Variants in UBR1 observed in about 807,000 individuals in gnomAD.
The protein encoded by UBR1 is E3 ubiquitin-protein ligase UBR1.
UBR1 carries 102 observed loss-of-function variants against 242.1 expected under a neutral mutation model. That is an observed-to-expected ratio of 0.42 (90% CI 0.36 to 0.50). UBR1 has a LOEUF of 0.50. UBR1 is among the 20% of genes least tolerant of loss of function. The probability of loss-of-function intolerance (pLI) is 0.01; values close to 1 mark genes in which losing one functional copy is unlikely to be tolerated. For missense variants in UBR1, 1,772 were observed against 2,101.8 expected (o/e 0.84, Z 3.07); for synonymous variants, 675 against 684.8 (o/e 0.99, Z 0.22).
intron 44 of UBR1, among the ~76,000 whole-genome samples, chr15:42,953,285 G>C (rs1194794005): frequency 1.3e-5 from 2 of 152,170 alleles, no homozygotes; most frequent in Admixed American, 6.5e-5. Flanking sequence ...CATCTATGCT[G>C]TACACTGAAC....
intron 43 of UBR1, among the ~76,000 whole-genome samples, chr15:42,959,758 T>C (rs937761535): frequency 6.6e-6 from 1 of 152,236 alleles, no homozygotes; most frequent in Non-Finnish European, 1.5e-5. Context: ...GCACAGAGGC[T>C]GGATCTATTA....
chr15:42,963,474 G>C (rs2032054502), intron 42 of UBR1, among the ~76,000 whole-genome samples: 1 of 152,128 alleles, frequency 6.6e-6, no homozygotes, highest in Non-Finnish European at 1.5e-5. Context: ...TTTTCTGAAA[G>C]AAGGACACAT....
At chr15:43,037,662 G>C in intron 17 of UBR1, 111 bp downstream of exon 17, 1 of 878,548 alleles carries the variant, frequency 1.1e-6, no homozygotes, top group Non-Finnish European at 1.9e-6. Context: ...TTATACAAGA[G>C]AATAGTAACA....
At chr15:43,034,678 A>C (rs2033307546) in intron 19 of UBR1, among the ~76,000 whole-genome samples, 1 of 151,776 alleles carries the variant, frequency 6.6e-6, no homozygotes, top group Admixed American at 6.6e-5. Flanking sequence ...CCGAGGTCAG[A>C]AGTTCGAGAC....
rs1271379020 is a variant in UBR1, at chr15:43,070,899, C to T, written c.555G>A (p.Glu185=). The change falls in exon 5 of 47, where the codon GAG becomes GAA. Residue 185 remains glutamate, a synonymous_variant. Coordinates refer to ENST00000290650, the MANE Select transcript of UBR1 (RefSeq NM_174916.3). ...KENSRCPLNE[E]VIVQARKIFP... is the part of the protein sequence containing the mutation. The stretch of plus-strand genomic sequence containing the variant: ...ATATTTTCCTGGCTTGGACAATTAC[C>T]TCTTCATTCAACGGACAGCGTGAAT... 4 of 1,613,440 alleles carry T rather than the reference C, an allele frequency of 2.5e-6. No homozygotes were observed. The highest frequency in any genetic ancestry group is 1.3e-5 in the African/African-American group (1 of 74,874).
At position 43,076,157 on chromosome 15, in the gene UBR1, T is replaced by C. The variant is rs542626591; in HGVS notation, c.418-1068A>G. ...GCCTGACTGGTTTTCGTTTTTTTTT[T>C]TTTTGGTGGAGACGGGGTTTTGCTG... On this transcript the variant is annotated intron_variant, in intron 3 of 46. Coordinates refer to ENST00000290650, the MANE Select transcript of UBR1 (RefSeq NM_174916.3). Among the ~76,000 whole-genome samples, 596 of 151,742 alleles carry C rather than the reference T, an allele frequency of 3.9e-3. 4 individuals are homozygous for C. Among genetic ancestry groups the C allele is most frequent in the African/African-American group, 0.013 (558 of 41,464 alleles).
intron 45 of UBR1, 71 bp downstream of exon 45, chr15:42,952,207 C>A: frequency 6.3e-7 from 1 of 1,588,272 alleles, no homozygotes. Context: ...ACTGTCCCAC[C>A]ATAGTGACCC....
chr15:42,945,441 T>G lies in UBR1; in HGVS notation c.5138A>C (p.Glu1713Ala), dbSNP rs749732238. 2 of 1,614,046 alleles carry G rather than the reference T, an allele frequency of 1.2e-6. No homozygotes were observed. Among genetic ancestry groups the G allele is most frequent in the Non-Finnish European group, 1.7e-6 (2 of 1,180,010 alleles). Residue 1713 changes from glutamate to alanine, a missense_variant, in exon 47 of 47, where the codon GAG becomes GCG. Coordinates refer to ENST00000290650, the MANE Select transcript of UBR1 (RefSeq NM_174916.3). The part of the protein sequence containing the change: ...KRGNPLHLSR[E>A]RYRKLHLVWQ... ...GACCAAATGGAGCTTCCGATACCGC[T>G]CACGAGATAAATGAAGGGGGTTGCC...
chr15:42,979,204 T>C (rs920792424), intron 37 of UBR1, among the ~76,000 whole-genome samples: 3 of 151,550 alleles, frequency 2.0e-5, no homozygotes, highest in African/African-American at 7.3e-5. Flanking sequence ...ATTTTTTCTT[T>C]TTTTCTTTTT....
intron 27 of UBR1, among the ~76,000 whole-genome samples, chr15:43,020,117 G>A (rs187358749): frequency 1.4e-4 from 22 of 152,072 alleles, no homozygotes; most frequent in Admixed American, 8.5e-4. Context: ...TTGGCTCACC[G>A]CAATCTCCAC....
intron 2 of UBR1, 109 bp downstream of exon 2, chr15:43,085,875 C>T (rs923165132): frequency 8.3e-6 from 10 of 1,202,462 alleles, no homozygotes; most frequent in East Asian, 5.2e-5. Context: ...GACCGGAGAT[C>T]GCACCACTGC....
At chr15:43,070,495 G>T (rs1304491616) in intron 5 of UBR1, among the ~76,000 whole-genome samples, 2 of 152,140 alleles carry the variant, frequency 1.3e-5, no homozygotes, top group African/African-American at 4.8e-5. Flanking sequence ...TACTTACCTA[G>T]TGGGATGAGA....
intron 37 of UBR1, among the ~76,000 whole-genome samples, chr15:42,980,128 T>G (rs1364484081): frequency 6.6e-6 from 1 of 152,238 alleles, no homozygotes; most frequent in Non-Finnish European, 1.5e-5. Flanking sequence ...ATTTAAATAA[T>G]TCCTGATCCC....
chr15:43,051,529 G>A (rs995376237), intron 12 of UBR1, among the ~76,000 whole-genome samples: 2 of 151,984 alleles, frequency 1.3e-5, no homozygotes, highest in African/African-American at 4.8e-5. Context: ...CATGACACAA[G>A]TTTACCTATG....
At chr15:43,002,741 A>G in intron 31 of UBR1, 37 bp from the exon 32 acceptor site, 1 of 1,613,818 alleles carries the variant, frequency 6.2e-7, no homozygotes. Flanking sequence ...ATTCAGAACT[A>G]CACATGCATC....
At chr15:42,974,129 C>A (rs1001779085) in intron 39 of UBR1, among the ~76,000 whole-genome samples, 1 of 152,116 alleles carries the variant, frequency 6.6e-6, no homozygotes, top group Non-Finnish European at 1.5e-5. Context: ...ACCTCGTGAT[C>A]TACACGCCTC....
intron 15 of UBR1, among the ~76,000 whole-genome samples, chr15:43,042,189 C>A (rs1196525735): frequency 2.6e-5 from 4 of 152,052 alleles, no homozygotes; most frequent in Non-Finnish European, 5.9e-5. Flanking sequence ...GGGTATATAC[C>A]CAAAAAACTG....
chr15:43,003,485 A>AC (rs2032757719), intron 31 of UBR1: 2 of 342,628 alleles, frequency 5.8e-6, no homozygotes, highest in South Asian at 2.4e-5. Context: ...CAAACTCCTG[A>AC]CCTCAGGTGA....
intron 46 of UBR1, among the ~76,000 whole-genome samples, chr15:42,949,037 C>A (rs1233536588): frequency 2.6e-5 from 4 of 151,898 alleles, no homozygotes; most frequent in Non-Finnish European, 4.4e-5. Flanking sequence ...CCCAAATGTC[C>A]AACAACGATA....
Sources: gnomAD v4.1 joint callset for allele counts (sites outside exome capture counted in the v4.1 genomes callset) on GRCh38, gnomAD v4.1.1 for gene constraint, MANE v1.5 for transcripts, NCBI Gene and HGNC (gene_info 2026-07-23, HGNC 2026-07-21) for gene names.